RSRC1: variants seen among roughly 807,000 people sequenced by gnomAD.
RSRC1 encodes the protein arginine and serine rich coiled-coil 1.
In RSRC1, 39 loss-of-function variants were observed where a neutral mutation model predicts 49.1. The ratio of observed to expected loss-of-function variants is 0.79; its 90% CI spans 0.61 to 1.04. The LOEUF is 1.04. RSRC1 is among the 50% of genes least tolerant of loss of function. The pLI is 0.00. For missense variants in RSRC1, 388 were observed against 402.4 expected (o/e 0.96, Z 0.31); for synonymous variants, 143 against 130.8 (o/e 1.09, Z -0.63).
chr3:158,300,477 C>T (rs1727481810), intron 5 of RSRC1, among the ~76,000 whole-genome samples: 1 of 152,208 alleles, frequency 6.6e-6, no homozygotes, highest in Middle Eastern at 3.4e-3. Flanking sequence ...GCTAAACTCA[C>T]AATTTATGGG....
chr3:158,361,178 A>C (rs543835565), intron 6 of RSRC1, among the ~76,000 whole-genome samples: 160 of 152,278 alleles, frequency 1.1e-3, no homozygotes, highest in Admixed American at 3.0e-3. Context: ...TGGGGCAGAC[A>C]GACCCTGGGG....
At chr3:158,387,748 A>G (rs1733043975) in intron 6 of RSRC1, among the ~76,000 whole-genome samples, 1 of 152,166 alleles carries the variant, frequency 6.6e-6, no homozygotes, top group Non-Finnish European at 1.5e-5. Context: ...TTAGTTGGAG[A>G]AGAAAGGGTC....
intron 4 of RSRC1, among the ~76,000 whole-genome samples, chr3:158,297,136 A>G (rs182288560): frequency 5.3e-5 from 8 of 152,168 alleles, no homozygotes; most frequent in Middle Eastern, 3.4e-3. Context: ...ATGTGGTAGG[A>G]TTATAATTTC....
intron 4 of RSRC1, 93 bp from the exon 5 acceptor site, chr3:158,297,946 A>T: frequency 1.1e-6 from 1 of 896,038 alleles, no homozygotes; most frequent in Non-Finnish European, 1.8e-6. Flanking sequence ...CATATGAAAA[A>T]ATTACAAGGG....
intron 7 of RSRC1, among the ~76,000 whole-genome samples, chr3:158,525,736 A>C (rs1352757038): frequency 6.6e-6 from 1 of 151,986 alleles, no homozygotes; most frequent in East Asian, 1.9e-4. Flanking sequence ...CCACAGATGT[A>C]CCCAACAACA....
At chr3:158,448,498 T>C (rs1433129226) in intron 6 of RSRC1, among the ~76,000 whole-genome samples, 6 of 151,906 alleles carry the variant, frequency 3.9e-5, no homozygotes, top group Admixed American at 3.9e-4. Context: ...ACCTTACGCA[T>C]TTAAAAAAAC....
At chr3:158,218,685 T>C (rs979721261) in intron 4 of RSRC1, among the ~76,000 whole-genome samples, 3 of 151,602 alleles carry the variant, frequency 2.0e-5, no homozygotes, top group Non-Finnish European at 4.4e-5. Flanking sequence ...TTCTTAACTC[T>C]TTAGGTATTT....
At chr3:158,523,584 G>C (rs1711829051) in intron 7 of RSRC1, among the ~76,000 whole-genome samples, 1 of 151,914 alleles carries the variant, frequency 6.6e-6, no homozygotes, top group Non-Finnish European at 1.5e-5. Context: ...AAACACTGAG[G>C]GTCCTAGGAA....
chr3:158,297,989 A>G (rs757141585), intron 4 of RSRC1, 50 bp from the exon 5 acceptor site: 2 of 1,314,440 alleles, frequency 1.5e-6, no homozygotes, highest in Non-Finnish European at 2.2e-6. Context: ...AACAAATTAG[A>G]GCAGACAAGG....
chr3:158,302,286 A>C (rs1004553495), intron 5 of RSRC1, among the ~76,000 whole-genome samples: 1 of 152,086 alleles, frequency 6.6e-6, no homozygotes, highest in Non-Finnish European at 1.5e-5. Context: ...CTTGACCCTC[A>C]GGTTCCAAGA....
chr3:158,146,361 G>T (rs912211573), intron 3 of RSRC1, among the ~76,000 whole-genome samples: 4 of 152,048 alleles, frequency 2.6e-5, no homozygotes, highest in Non-Finnish European at 5.9e-5. Context: ...TTTGTCGAAG[G>T]CCTTTTCTGC....
chr3:158,519,626 G>T (rs1711547731), intron 7 of RSRC1, among the ~76,000 whole-genome samples: 1 of 152,138 alleles, frequency 6.6e-6, no homozygotes, highest in African/African-American at 2.4e-5. Context: ...GCAGGAGCCA[G>T]ATTATACCAG....
intron 4 of RSRC1, among the ~76,000 whole-genome samples, chr3:158,239,240 G>A (rs1315610682): frequency 6.9e-6 from 1 of 144,618 alleles, no homozygotes; most frequent in Non-Finnish European, 1.5e-5. Context: ...TGGAGAAATA[G>A]AATGCTTTTA....
chr3:158,303,466 T>G (rs1421051581), intron 5 of RSRC1: 2 of 152,168 alleles, frequency 1.3e-5, no homozygotes, highest in East Asian at 3.9e-4. Flanking sequence ...TGCTTCACCA[T>G]CTTTAATGTA....
At chr3:158,311,888 G>T (rs1001461068) in intron 5 of RSRC1, among the ~76,000 whole-genome samples, 3 of 152,024 alleles carry the variant, frequency 2.0e-5, no homozygotes, top group South Asian at 4.1e-4. Context: ...AAAAATATGA[G>T]AGTGGGGAAA....
chr3:158,124,425 G>T (rs1715485284), intron 3 of RSRC1, among the ~76,000 whole-genome samples: 1 of 152,032 alleles, frequency 6.6e-6, no homozygotes, highest in Non-Finnish European at 1.5e-5. Flanking sequence ...GAGTAATGCT[G>T]GCCTGATAAA....
At chr3:158,330,616 A>G (rs536348479) in intron 5 of RSRC1, among the ~76,000 whole-genome samples, 76 of 152,162 alleles carry the variant, frequency 5.0e-4, no homozygotes, top group African/African-American at 1.8e-3. Flanking sequence ...TATTTAGGTT[A>G]TTTTTTGATC....
chr3:158,120,553 TATATTA>T (rs1365162473), intron 1 of RSRC1, among the ~76,000 whole-genome samples: 2 of 147,138 alleles, frequency 1.4e-5, no homozygotes, highest in African/African-American at 2.5e-5. Flanking sequence ...ATAGAATTAA[TATATTA>T]ATATTAATAT....
chr3:158,453,939 A>T (rs1737185475), intron 6 of RSRC1, among the ~76,000 whole-genome samples: 1 of 151,992 alleles, frequency 6.6e-6, no homozygotes, highest in Non-Finnish European at 1.5e-5. Flanking sequence ...GAGCAATTTG[A>T]TGAGTTTGAT....
Sources: gnomAD v4.1 joint callset for allele counts (sites outside exome capture counted in the v4.1 genomes callset) on GRCh38, gnomAD v4.1.1 for gene constraint, MANE v1.5 for transcripts, NCBI Gene and HGNC (gene_info 2026-07-23, HGNC 2026-07-21) for gene names.